ASXL2: variants seen among roughly 807,000 people sequenced by gnomAD.
ASXL2 encodes the protein ASXL transcriptional regulator 2, also known as putative Polycomb group protein ASXL2.
Under a neutral mutation model 122.0 loss-of-function variants are expected in ASXL2, and 23 were observed. The observed-to-expected ratio is 0.19, with a 90% confidence interval of 0.14 to 0.27. The LOEUF is 0.27. Among genes scored for constraint, ASXL2 ranks in the 10% least tolerant of loss-of-function variants. The probability of loss-of-function intolerance (pLI) is 1.00; values close to 1 mark genes in which losing one functional copy is unlikely to be tolerated. For missense variants in ASXL2, 1,518 were observed against 1,713.8 expected, an observed-to-expected ratio of 0.89 and a Z score of 2.02; for synonymous variants, 650 against 637.0, an observed-to-expected ratio of 1.02 and a Z score of -0.31.
At chr2:25,833,119 A>G (rs1390100405) in intron 3 of ASXL2, among the ~76,000 whole-genome samples, 4 of 152,196 alleles carry the variant, frequency 2.6e-5, no homozygotes, top group Non-Finnish European at 4.4e-5. Flanking sequence ...TGGTAGGTAC[A>G]TGAATCTATA....
chr2:25,743,088 CACA>C lies in ASXL2; in HGVS notation c.3246_3248del (p.Val1083del). ...GAGCGAAGTTGAACTGTGAGGGCGG[CACA>C]ACTGAGAGAAGATTCTGCCTCCGAA... On this transcript the variant is annotated inframe_deletion, in exon 13 of 13. Coordinates refer to ENST00000435504, the MANE Select transcript of ASXL2 (RefSeq NM_018263.6). 6.2e-7 allele frequency: 1 copy of C among 1,613,972 alleles called. No individual in the cohort carries two copies. The highest frequency in any genetic ancestry group is 8.5e-7 in the Non-Finnish European group (1 of 1,179,880).
rs2087900045 is a variant in ASXL2, at chr2:25,744,176, T to G, written c.2161A>C (p.Ser721Arg). 1.9e-6 allele frequency: 3 copies of G among 1,613,926 alleles called. No homozygotes were observed. In the African/African-American group the frequency reaches 4.0e-5, roughly 22 times the overall value. Reference sequence around the variant, plus strand: ...AGTGTGGGGCCCTTTCCAGTTTCACTGACTCTGTCTGAGCCTGGACTGCCT... The same window carrying G: ...AGTGTGGGGCCCTTTCCAGTTTCACGGACTCTGTCTGAGCCTGGACTGCCT... Reference protein sequence around the residue: ...RGGSPGSDRVSETGKGPTLEL... With the variant: ...RGGSPGSDRVRETGKGPTLEL... The change falls in exon 13 of 13, where the codon AGT (serine) becomes CGT (arginine). Residue 721 changes from serine (S) to arginine (R), a missense_variant. By Grantham distance (110) the Ser-to-Arg change is moderately radical. Transcript: ENST00000435504. The surrounding 1 kb of genome is among the most constrained non-coding windows in gnomAD (Gnocchi z 4.7).
intron 2 of ASXL2, among the ~76,000 whole-genome samples, chr2:25,843,983 C>T (rs1329778175): frequency 6.6e-6 from 1 of 152,052 alleles, no homozygotes. Flanking sequence ...AAAAACTATT[C>T]AATGTGAAGC....
chr2:25,761,511 A>G (rs2088243396), intron 8 of ASXL2, among the ~76,000 whole-genome samples: 1 of 151,936 alleles, frequency 6.6e-6, no homozygotes, highest in African/African-American at 2.4e-5. Flanking sequence ...CGTCTCTACT[A>G]AAAATAGAAA....
chr2:25,823,854 A>G (rs1005437602), intron 3 of ASXL2, among the ~76,000 whole-genome samples: 19 of 151,980 alleles, frequency 1.3e-4, no homozygotes, highest in Non-Finnish European at 2.1e-4. Flanking sequence ...TGTCCTTTTA[A>G]GTGTCTGGCT....
rs144547003 is a variant in ASXL2 at position 25,863,803 on chromosome 2, C to T, written c.57+14363G>A. ...AGCAGATCACTTGAGGTCGGGAGTT[C>T]GAGACCAGCCTGGCCAACATGGTGA... On this transcript the variant is annotated intron_variant, in intron 1 of 12. Coordinates refer to ENST00000435504, the MANE Select transcript of ASXL2 (RefSeq NM_018263.6). Among the ~76,000 whole-genome samples, 189 of 151,690 alleles carry T rather than the reference C, an allele frequency of 1.2e-3. 3 individuals carry two copies. The East Asian group carries it at 0.032, about 26-fold the overall frequency.
Position 25,740,032 on chromosome 2 carries a change from T to C in ASXL2, c.*1997A>G. 4.4e-6 allele frequency: 1 copy of C among 226,132 alleles called. No homozygotes were observed. The highest frequency in any genetic ancestry group is 6.3e-5 in the East Asian group (1 of 15,774). 14.0% of individuals were successfully genotyped at this position (226,132 alleles called of 1,614,324 possible). A position where few individuals can be genotyped will look rare whatever the true frequency, so the allele number is the denominator to read the frequency against. The stretch of plus-strand genomic sequence containing the variant: ...TTTCTGTTTTCTACTGGTTCTTGGC[T>C]TGAAAATATACTCCTTATCCCCAAT... On this transcript the variant is annotated 3_prime_UTR_variant, in exon 13 of 13. Transcript: ENST00000435504.
Position 25,734,293 on chromosome 2 carries a change from A to G in ASXL2, c.*7736T>C, listed in dbSNP as rs2149131614. 1 of 152,148 alleles carries G rather than the reference A, an allele frequency of 6.6e-6. No individual in the cohort carries two copies. Among genetic ancestry groups the G allele is most frequent in the East Asian group, 1.9e-4 (1 of 5,176 alleles). 9.4% of individuals were successfully genotyped at this position (152,148 alleles called of 1,614,324 possible). A position where few individuals can be genotyped will look rare whatever the true frequency, so the allele number is the denominator to read the frequency against. On this transcript the variant is annotated 3_prime_UTR_variant, in exon 13 of 13. Transcript: ENST00000435504. ...TAACAAAGGGGTAACCAAATCCAAG[A>G]CTCTGGAAGCATCTGATTAACTTAA...
chr2:25,822,706 G>A (rs1163354717), intron 3 of ASXL2: 2 of 715,138 alleles, frequency 2.8e-6, no homozygotes, highest in Non-Finnish European at 4.9e-6. Flanking sequence ...TTACGAAAAG[G>A]AGAATCTGGC....
At chr2:25,798,127 T>C (rs2088938191) in intron 5 of ASXL2, among the ~76,000 whole-genome samples, 1 of 152,058 alleles carries the variant, frequency 6.6e-6, no homozygotes, top group Admixed American at 6.5e-5. Flanking sequence ...ATGATGAGAA[T>C]ACATGACACA....
intron 8 of ASXL2, among the ~76,000 whole-genome samples, chr2:25,760,560 T>C (rs2088224286): frequency 6.6e-6 from 1 of 152,202 alleles, no homozygotes; most frequent in South Asian, 2.1e-4. Context: ...AAAATGTTAA[T>C]ATACATAAAA....
chr2:25,810,364 G>T (rs1036464743), intron 3 of ASXL2: 1 of 660,746 alleles, frequency 1.5e-6, no homozygotes, highest in East Asian at 3.1e-5. Flanking sequence ...ATCTTTTAAG[G>T]TCCAGTTTTT....
At chr2:25,850,725 T>C (rs1038239078) in intron 1 of ASXL2, among the ~76,000 whole-genome samples, 1 of 152,230 alleles carries the variant, frequency 6.6e-6, no homozygotes, top group African/African-American at 2.4e-5. Context: ...ACTATCTCCA[T>C]CATTTTATTT....
chr2:25,779,391 C>T (rs117474160), intron 5 of ASXL2, among the ~76,000 whole-genome samples: 1 of 152,034 alleles, frequency 6.6e-6, no homozygotes, highest in African/African-American at 2.4e-5. Flanking sequence ...AGCCACCATG[C>T]CCAGCCTGAT....
chr2:25,743,536 T>C lies in ASXL2; in HGVS notation c.2801A>G (p.Asn934Ser). The C allele has an allele frequency of 6.2e-7, 1 of 1,613,966 alleles. No homozygotes were observed. The highest frequency in any genetic ancestry group is 8.5e-7 in the Non-Finnish European group (1 of 1,179,890). ...TGGTCTTAAAGTGGGTCCATTCATGTTTAAAGAAGTTCCTGGGGTTTTAAG... is the reference window on the plus strand; with the variant it reads ...TGGTCTTAAAGTGGGTCCATTCATGCTTAAAGAAGTTCCTGGGGTTTTAAG... Reference protein sequence around the residue: ...SSLKTPGTSLNMNGPTLRPTS... With the variant: ...SSLKTPGTSLSMNGPTLRPTS... The change falls in exon 13 of 13, where the codon AAC becomes AGC. Residue 934 changes from asparagine (N) to serine (S), a missense_variant. Transcript: ENST00000435504.
At chr2:25,859,154 T>C (rs1470194321) in intron 1 of ASXL2, among the ~76,000 whole-genome samples, 1 of 144,444 alleles carries the variant, frequency 6.9e-6, no homozygotes, top group East Asian at 1.9e-4. Flanking sequence ...TTGCCCAGAC[T>C]GGCCTTGAAT....
chr2:25,760,655 C>T (rs201366289), intron 8 of ASXL2, among the ~76,000 whole-genome samples: 12 of 152,254 alleles, frequency 7.9e-5, no homozygotes, highest in African/African-American at 2.2e-4. Context: ...TGCCTCCTGG[C>T]GGAAGCATAA....
chr2:25,827,774 T>C (rs1016192781), intron 3 of ASXL2, among the ~76,000 whole-genome samples: 15 of 152,110 alleles, frequency 9.9e-5, no homozygotes, highest in Non-Finnish European at 1.9e-4. Context: ...GTAGATCTAG[T>C]TGTGGCCCCA....
chr2:25,786,713 G>T (rs7567507), intron 5 of ASXL2, among the ~76,000 whole-genome samples: 42,169 of 151,812 alleles, frequency 0.28, 6,150 homozygotes, highest in African/African-American at 0.33. Context: ...AATGAGCTGG[G>T]TGTGGTGGCA....
Sources: gnomAD v4.1 joint callset for allele counts (sites outside exome capture counted in the v4.1 genomes callset) on GRCh38, gnomAD v4.1.1 for gene constraint, Gnocchi (gnomAD v3.1) non-coding constraint, MANE v1.5 for transcripts, NCBI Gene and HGNC (gene_info 2026-07-23, HGNC 2026-07-21) for gene names.